Variants in CDHR3 observed in about 807,000 individuals in gnomAD.
CDHR3 encodes the protein cadherin related family member 3.
In CDHR3, 79 loss-of-function variants were observed where a neutral mutation model predicts 86.6. The observed-to-expected ratio is 0.91, with a 90% CI of 0.76 to 1.10. The LOEUF (loss-of-function observed/expected upper bound fraction) is 1.10. Among genes scored for constraint, CDHR3 ranks in the 50% least tolerant of loss-of-function variants. The probability of loss-of-function intolerance (pLI) is 0.00; values close to 1 mark genes in which losing one functional copy is unlikely to be tolerated. For missense variants in CDHR3, 1,081 were observed against 1,077.6 expected (o/e 1.00, Z -0.04); for synonymous variants, 421 against 402.4 (o/e 1.05, Z -0.55).
chr7:105,980,591 T>G (rs1439693287), intron 2 of CDHR3, among the ~76,000 whole-genome samples: 34 of 97,702 alleles, frequency 3.5e-4, no homozygotes, highest in African/African-American at 1.3e-3. Flanking sequence ...GAAGGTTTTT[T>G]TTTTTTTTTT....
chr7:105,980,574 A>G (rs1165816257), intron 2 of CDHR3, among the ~76,000 whole-genome samples: 1 of 136,602 alleles, frequency 7.3e-6, no homozygotes, highest in Non-Finnish European at 1.5e-5. Flanking sequence ...CCTACCCCCA[A>G]GTAGTGGAAG....
At chr7:105,973,193 G>A (rs533466837) in intron 1 of CDHR3, among the ~76,000 whole-genome samples, 1 of 152,310 alleles carries the variant, frequency 6.6e-6, no homozygotes, top group Non-Finnish European at 1.5e-5. Flanking sequence ...ATTATTTGCT[G>A]TGTGGATTTC....
chr7:105,968,613 G>A (rs540490673), intron 1 of CDHR3, among the ~76,000 whole-genome samples: 15 of 152,126 alleles, frequency 9.9e-5, no homozygotes, highest in Admixed American at 9.2e-4. Flanking sequence ...CACCTGGTTC[G>A]GCCTCCCAGA....
chr7:105,998,756 C>T (rs1011140746), intron 6 of CDHR3, among the ~76,000 whole-genome samples: 11 of 151,828 alleles, frequency 7.2e-5, no homozygotes, highest in African/African-American at 2.7e-4. Context: ...TGCACTCCAA[C>T]CTGGGCAACA....
intron 8 of CDHR3, among the ~76,000 whole-genome samples, chr7:106,010,129 G>A (rs1325844310): frequency 6.6e-6 from 1 of 152,192 alleles, no homozygotes; most frequent in Non-Finnish European, 1.5e-5. Flanking sequence ...TTTAAATGAT[G>A]CAATCTCCTG....
chr7:105,980,933 C>T (rs780384005), intron 2 of CDHR3, 35 bp from the exon 3 acceptor site: 2 of 1,567,122 alleles, frequency 1.3e-6, no homozygotes, highest in Non-Finnish European at 1.7e-6. Flanking sequence ...GATCTTCTTT[C>T]ACATGGTTAC....
chr7:105,994,995 C>A, intron 5 of CDHR3, 150 bp downstream of exon 5: 1 of 644,296 alleles, frequency 1.6e-6, no homozygotes, highest in Non-Finnish European at 2.7e-6. Flanking sequence ...GTAGTGAACC[C>A]CAGAGAGGGA....
At chr7:105,984,729 T>C (rs2115697681) in intron 4 of CDHR3, among the ~76,000 whole-genome samples, 1 of 152,240 alleles carries the variant, frequency 6.6e-6, no homozygotes, top group Non-Finnish European at 1.5e-5. Context: ...TCCAAGCATT[T>C]ACCTACCTTT....
chr7:105,983,881 C>T (rs2115693016), intron 3 of CDHR3, among the ~76,000 whole-genome samples: 1 of 152,262 alleles, frequency 6.6e-6, no homozygotes, highest in Non-Finnish European at 1.5e-5. Flanking sequence ...GGTTTACTTC[C>T]CAACTCTCTG....
chr7:106,007,469 G>A (rs1834107288), intron 8 of CDHR3, among the ~76,000 whole-genome samples: 1 of 152,178 alleles, frequency 6.6e-6, no homozygotes, highest in Admixed American at 6.5e-5. Flanking sequence ...GTCACATCTT[G>A]AATGCTTTGC....
At chr7:105,983,183 G>C (rs1563243031) in intron 3 of CDHR3, among the ~76,000 whole-genome samples, 1 of 152,294 alleles carries the variant, frequency 6.6e-6, no homozygotes, top group South Asian at 2.1e-4. Flanking sequence ...GAAGTTGCAT[G>C]AGAGTAAGGT....
Position 106,022,300 on chromosome 7 carries a change from T to C in CDHR3, c.1928T>C (p.Ile643Thr), listed in dbSNP as rs757433543. Residue 643 changes from isoleucine (I) to threonine (T), a missense_variant, in exon 14 of 19, where the codon ATC becomes ACC. Physicochemically the swap from Ile to Thr is moderately conservative, Grantham distance 89. Transcript: ENST00000317716. The stretch of plus-strand genomic sequence containing the variant: ...GACTATGCTGGTGGGTTTGATAAGA[T>C]CTGGGACTACAAGCTACTTGTCTAC... ...RFDYAGGFDKIWDYKLLVYVT... is the reference protein window; with the variant it reads ...RFDYAGGFDKTWDYKLLVYVT... 1.7e-5 allele frequency: 28 copies of C among 1,614,066 alleles called. No homozygotes were observed. In the African/African-American group the frequency reaches 3.5e-4, roughly 20 times the overall value.
chr7:105,983,398 A>G (rs1830057310), intron 3 of CDHR3, among the ~76,000 whole-genome samples: 1 of 152,240 alleles, frequency 6.6e-6, no homozygotes, highest in Non-Finnish European at 1.5e-5. Context: ...CAGTGTTCTC[A>G]TTTGAAAAGC....
intron 4 of CDHR3, among the ~76,000 whole-genome samples, chr7:105,992,954 T>C (rs1831583405): frequency 6.6e-6 from 1 of 152,254 alleles, no homozygotes; most frequent in Admixed American, 6.5e-5. Flanking sequence ...AAAAACGTTA[T>C]ATTGGCCTCA....
At chr7:105,990,322 C>T (rs1000175397) in intron 4 of CDHR3, among the ~76,000 whole-genome samples, 5 of 152,162 alleles carry the variant, frequency 3.3e-5, no homozygotes, top group East Asian at 1.9e-4. Context: ...CAATGAACCA[C>T]GAGCAGGAGC....
intron 8 of CDHR3, among the ~76,000 whole-genome samples, chr7:106,005,493 A>G (rs1281348860): frequency 1.3e-5 from 2 of 152,176 alleles, no homozygotes; most frequent in East Asian, 3.9e-4. Context: ...TTTGGGAGGA[A>G]TTGGGGTTGT....
intron 8 of CDHR3, among the ~76,000 whole-genome samples, chr7:106,009,440 C>T (rs1308893334): frequency 3.9e-5 from 6 of 152,240 alleles, no homozygotes; most frequent in Admixed American, 1.3e-4. Context: ...AAGCCAAGCA[C>T]GCAAGCAGGT....
intron 15 of CDHR3, among the ~76,000 whole-genome samples, chr7:106,026,315 C>A (rs1251343603): frequency 6.6e-6 from 1 of 152,196 alleles, no homozygotes; most frequent in Admixed American, 6.5e-5. Context: ...AAGCCTTCTG[C>A]TCTGCTGGCT....
intron 4 of CDHR3, among the ~76,000 whole-genome samples, chr7:105,985,941 T>C (rs1176417444): frequency 6.6e-6 from 1 of 152,244 alleles, no homozygotes; most frequent in Non-Finnish European, 1.5e-5. Flanking sequence ...TCTGCTACCA[T>C]CAGGAGCCTG....
Sources: gnomAD v4.1 joint callset for allele counts (sites outside exome capture counted in the v4.1 genomes callset) on GRCh38, gnomAD v4.1.1 for gene constraint, MANE v1.5 for transcripts, NCBI Gene and HGNC (gene_info 2026-07-23, HGNC 2026-07-21) for gene names.